The following NOTCH2 variants were observed in gnomAD, a reference collection of about 807,000 sequenced individuals.
NOTCH2 encodes notch receptor 2, also known as neurogenic locus notch homolog protein 2.
NOTCH2 carries 29 observed loss-of-function variants against 235.8 expected under a neutral mutation model. The observed-to-expected ratio is 0.12, with a 90% CI of 0.09 to 0.17. The LOEUF (loss-of-function observed/expected upper bound fraction) is 0.17, where lower values mean the gene tolerates loss of function less well. Ranked by LOEUF, NOTCH2 falls within the 10% of genes least tolerant of loss-of-function variation. The pLI, the probability that NOTCH2 is intolerant of heterozygous loss-of-function variation, is 1.00. For missense variants in NOTCH2, 2,285 were observed against 3,150.2 expected, an observed-to-expected ratio of 0.73 and a Z score of 6.57; for synonymous variants, 1,086 against 1,141.5, an observed-to-expected ratio of 0.95 and a Z score of 0.98.
intron 22 of NOTCH2, among the ~76,000 whole-genome samples, chr1:119,933,172 G>T (rs1016761074): frequency 6.6e-6 from 1 of 152,178 alleles, no homozygotes; most frequent in Non-Finnish European, 1.5e-5. Flanking sequence ...AACTGAGAGA[G>T]AACTCAACCT....
rs2124109 is a variant in NOTCH2, at chr1:119,996,708, C to G, written c.751+289G>C. On this transcript the variant is annotated intron_variant, in intron 4 of 33. Transcript: ENST00000256646. Reference sequence around the variant, plus strand: ...CTTTTCCATTCCAGACTTGCCTGTCCCTTTCCCAGAGCTCTGTTCCTCTTA... The same window carrying G: ...CTTTTCCATTCCAGACTTGCCTGTCGCTTTCCCAGAGCTCTGTTCCTCTTA... 8.9e-4 allele frequency: 1,072 copies of G among 1,201,760 alleles called. 2 individuals are homozygous for G. The highest frequency in any genetic ancestry group is 1.0e-3 in the Non-Finnish European group (841 of 803,584). 74.4% of individuals were successfully genotyped at this position (1,201,760 alleles called of 1,614,324 possible). A position where few individuals can be genotyped will look rare whatever the true frequency, so the allele number is the denominator to read the frequency against.
intron 1 of NOTCH2, 168 bp downstream of exon 1, chr1:120,069,166 G>A (rs1655647356): frequency 6.5e-7 from 1 of 1,527,890 alleles, no homozygotes; most frequent in Non-Finnish European, 8.8e-7. Flanking sequence ...GGCACCACGG[G>A]AGGGGCCCCC....
At position 120,068,969 on chromosome 1, in the gene NOTCH2, C is replaced by G. The variant is rs1557870080; in HGVS notation, c.73+365G>C. On this transcript the variant is annotated intron_variant, in intron 1 of 33. Transcript: ENST00000256646. ...TTCGCTCAGCCCCTCCGAGGCCCGC[C>G]GTCGGCTCTCGCTCGACCCCAAGAA... The G allele has an allele frequency of 3.0e-6, 3 of 1,001,614 alleles. No homozygotes were observed. In the Admixed American group the frequency reaches 6.7e-5, roughly 22 times the overall value. The allele number at this position is 1,001,614 out of a possible 1,614,324, so 62.0% of individuals were successfully genotyped here. A position where few individuals can be genotyped will look rare whatever the true frequency, so the allele number is the denominator to read the frequency against.
intron 4 of NOTCH2, chr1:119,993,463 CA>C (rs1361538457): frequency 1.5e-5 from 1 of 68,420 alleles, no homozygotes; most frequent in Non-Finnish European, 2.8e-5. Flanking sequence ...GTATCCTTTG[CA>C]GGGAAAAAAT....
chr1:119,973,860 T>C (rs1205661805), intron 5 of NOTCH2, among the ~76,000 whole-genome samples: 1 of 152,122 alleles, frequency 6.6e-6, no homozygotes, highest in Non-Finnish European at 1.5e-5. Flanking sequence ...GTCTTAAACA[T>C]ATTAAAATAA....
At chr1:119,999,195 G>T (rs1467413565) in intron 3 of NOTCH2, among the ~76,000 whole-genome samples, 6 of 149,348 alleles carry the variant, frequency 4.0e-5, no homozygotes, top group African/African-American at 1.5e-4. Context: ...AATTCTTTGG[G>T]TATATATCCA....
intron 3 of NOTCH2, among the ~76,000 whole-genome samples, chr1:120,003,181 A>G (rs1171392508): frequency 3.9e-5 from 6 of 152,200 alleles, no homozygotes; most frequent in African/African-American, 1.4e-4. Flanking sequence ...AGACTGGCCT[A>G]GCCTCCCAGC....
At chr1:120,015,009 T>TTTA (rs1491192006) in intron 2 of NOTCH2, among the ~76,000 whole-genome samples, 3 of 109,072 alleles carry the variant, frequency 2.8e-5, no homozygotes, top group Non-Finnish European at 2.1e-5. Context: ...TTTTTTTTTT[T>TTTA]AAAAACGAGG....
chr1:119,960,780 C>T (rs587711472), intron 11 of NOTCH2, among the ~76,000 whole-genome samples: 1 of 152,058 alleles, frequency 6.6e-6, no homozygotes, highest in Admixed American at 6.5e-5. Context: ...CTCAAGCTAT[C>T]CCCCCACCTC....
chr1:119,979,898 C>T (rs1260035759), intron 5 of NOTCH2, among the ~76,000 whole-genome samples: 1 of 151,938 alleles, frequency 6.6e-6, no homozygotes, highest in Non-Finnish European at 1.5e-5. Context: ...TAATTTCTGA[C>T]ATTAAAAGTA....
intron 8 of NOTCH2, 146 bp downstream of exon 8, chr1:119,967,287 C>T: frequency 3.6e-6 from 3 of 823,828 alleles, no homozygotes; most frequent in East Asian, 4.9e-5. Flanking sequence ...GCTTGTGAAC[C>T]CTGACTTCCT....
At chr1:120,047,796 T>C in intron 1 of NOTCH2, among the ~76,000 whole-genome samples, 1 of 127,408 alleles carries the variant, frequency 7.8e-6, no homozygotes, top group Admixed American at 7.5e-5. Flanking sequence ...ATGCAGTCTC[T>C]CTCTATTGCC....
intron 1 of NOTCH2, among the ~76,000 whole-genome samples, chr1:120,063,504 C>G (rs775502045): frequency 2.6e-5 from 4 of 152,158 alleles, no homozygotes; most frequent in South Asian, 2.1e-4. Flanking sequence ...TCATACAACA[C>G]AAACAGAAGT....
At chr1:119,928,620 T>G (rs1466899140) in intron 23 of NOTCH2, among the ~76,000 whole-genome samples, 1 of 152,242 alleles carries the variant, frequency 6.6e-6, no homozygotes, top group African/African-American at 2.4e-5. Context: ...AACTGTACAC[T>G]GTACACTTTA....
chr1:119,964,214 T>C (rs772475325), intron 10 of NOTCH2, among the ~76,000 whole-genome samples: 51 of 152,190 alleles, frequency 3.4e-4, no homozygotes, highest in Non-Finnish European at 3.8e-4. Context: ...AATTCTGACT[T>C]TGGAGGTAAG....
chr1:119,921,769 T>C lies in NOTCH2; in HGVS notation c.5254A>G (p.Thr1752Ala), dbSNP rs772002936. 10 of 1,614,196 alleles carry C rather than the reference T, an allele frequency of 6.2e-6. No homozygotes were observed. In the South Asian group the frequency reaches 8.8e-5, roughly 14 times the overall value. ...TCGACCCAGTGTTCACTTGTTCCAG[T>C]ACCAATTAGGTTAGCTTCTGAGACT... ...VQVSEANLIG[T>A]GTSEHWVDDE... is the part of the protein sequence containing the mutation. The change falls in exon 29 of 34, where the codon ACT becomes GCT. Residue 1752 changes from threonine to alanine, a missense_variant. By Grantham distance (58) the Thr-to-Ala change is moderately conservative. This residue lies in a region of NOTCH2 where 1,173 missense variants were observed against 1,515.3 expected (regional missense o/e 0.77). Coordinates refer to ENST00000256646, the MANE Select transcript of NOTCH2 (RefSeq NM_024408.4).
At chr1:120,065,106 A>C (rs1200051920) in intron 1 of NOTCH2, among the ~76,000 whole-genome samples, 1 of 152,186 alleles carries the variant, frequency 6.6e-6, no homozygotes, top group Non-Finnish European at 1.5e-5. Flanking sequence ...AGAAGTGATC[A>C]GAAAAAGAAA....
intron 22 of NOTCH2, among the ~76,000 whole-genome samples, chr1:119,934,894 A>T (rs1649792422): frequency 6.6e-6 from 1 of 152,226 alleles, no homozygotes; most frequent in Non-Finnish European, 1.5e-5. Flanking sequence ...CATACCACTC[A>T]GTTCAAAAGC....
At chr1:120,003,914 G>A (rs1652859692) in intron 3 of NOTCH2, among the ~76,000 whole-genome samples, 1 of 152,116 alleles carries the variant, frequency 6.6e-6, no homozygotes, top group African/African-American at 2.4e-5. Context: ...AGAATTTGGT[G>A]TGACTAGGCC....
Sources: allele counts gnomAD v4.1 joint callset (sites outside exome capture counted in the v4.1 genomes callset), GRCh38; gene constraint gnomAD v4.1.1; regional missense constraint gnomAD v4.1.1; transcripts MANE v1.5; gene names NCBI Gene and HGNC (gene_info 2026-07-23, HGNC 2026-07-21).